ZFAT: variants seen among roughly 807,000 people sequenced by gnomAD.
ZFAT encodes zinc finger and AT-hook domain containing, also known as zinc finger protein ZFAT.
In ZFAT, 64 loss-of-function variants were observed where a neutral mutation model predicts 117.7. The ratio of observed to expected loss-of-function variants is 0.54; its 90% CI spans 0.44 to 0.67. ZFAT has a LOEUF of 0.67. Ranked by LOEUF, ZFAT falls within the 30% of genes least tolerant of loss-of-function variation. ZFAT has a pLI of 0.00. For missense variants in ZFAT, 1,433 were observed against 1,584.5 expected, an observed-to-expected ratio of 0.90 and a Z score of 1.62; for synonymous variants, 679 against 615.0, an observed-to-expected ratio of 1.10 and a Z score of -1.54.
chr8:134,668,361 G>T (rs1832357981), intron 1 of ZFAT, among the ~76,000 whole-genome samples: 1 of 152,218 alleles, frequency 6.6e-6, no homozygotes, highest in African/African-American at 2.4e-5. Flanking sequence ...CCAAGTAGGG[G>T]CAGACTGACA....
chr8:134,744,603 TAA>T, the ZFAT span, among the ~76,000 whole-genome samples: 2 of 152,034 alleles, frequency 1.3e-5, no homozygotes, highest in South Asian at 2.1e-4. Flanking sequence ...GCCTGAAGGC[TAA>T]GAGTTCTTTG....
intron 1 of ZFAT, chr8:134,673,427 T>C (rs1476645966): frequency 5.2e-6 from 1 of 193,436 alleles, no homozygotes; most frequent in East Asian, 1.2e-4. Context: ...ACCATTCCAA[T>C]GTTGCTGCAG....
At chr8:134,613,234 T>C (rs1254692306) in intron 3 of ZFAT, among the ~76,000 whole-genome samples, 1 of 152,158 alleles carries the variant, frequency 6.6e-6, no homozygotes, top group Non-Finnish European at 1.5e-5. Flanking sequence ...GAATTAGAAC[T>C]TGCCAGAAGC....
the ZFAT span, among the ~76,000 whole-genome samples, chr8:134,814,230 C>T: frequency 0.3 from 45,911 of 151,968 alleles, 7,558 homozygotes; most frequent in African/African-American, 0.43. Flanking sequence ...CATGTGCTAG[C>T]GTTCTTAGGA....
At chr8:134,829,011 C>T in the ZFAT span, among the ~76,000 whole-genome samples, 1 of 152,160 alleles carries the variant, frequency 6.6e-6, no homozygotes, top group Non-Finnish European at 1.5e-5. Flanking sequence ...GCTTGTTGGC[C>T]TCTGCTGGGG....
chr8:134,520,888 A>T lies in ZFAT; in HGVS notation c.3229T>A (p.Trp1077Arg), dbSNP rs545875615. The change falls in exon 13 of 16, where the codon TGG (tryptophan) becomes AGG (arginine). Residue 1077 changes from tryptophan to arginine, a missense_variant. Trp to Arg is a moderately radical substitution (Grantham distance 101). This residue lies in a region of ZFAT where 503 missense variants were observed against 543.4 expected (regional missense o/e 0.93). Coordinates refer to ENST00000377838, the MANE Select transcript of ZFAT (RefSeq NM_020863.4). Reference sequence around the variant, plus strand: ...ACCATACTTAAAAAAATTACCTCCCACTTGGGGTCTCCATCAATTTCCACC... The same window carrying T: ...ACCATACTTAAAAAAATTACCTCCCTCTTGGGGTCTCCATCAATTTCCACC... Reference protein sequence around the residue: ...KVVEIDGDPKWETATEAPEEP... With the variant: ...KVVEIDGDPKRETATEAPEEP... 131 of 1,613,398 alleles carry T rather than the reference A, an allele frequency of 8.1e-5. 1 individual carries two copies. In the South Asian group the frequency reaches 1.4e-3, roughly 17 times the overall value.
chr8:134,568,379 C>T (rs1214921001), intron 10 of ZFAT, among the ~76,000 whole-genome samples: 3 of 152,218 alleles, frequency 2.0e-5, no homozygotes, highest in Non-Finnish European at 4.4e-5. Context: ...CCAGTTGAAT[C>T]TCAGTTAAAC....
At chr8:134,593,837 C>T (rs1391708208) in intron 7 of ZFAT, among the ~76,000 whole-genome samples, 1 of 152,222 alleles carries the variant, frequency 6.6e-6, no homozygotes, top group Non-Finnish European at 1.5e-5. Flanking sequence ...TACAGGGCCC[C>T]TGTTATGTGT....
chr8:134,791,062 TAA>T, the ZFAT span, among the ~76,000 whole-genome samples: 4 of 152,228 alleles, frequency 2.6e-5, no homozygotes, highest in South Asian at 2.1e-4. Flanking sequence ...CTAATGACTT[TAA>T]AAGAGGCCCC....
the ZFAT span, among the ~76,000 whole-genome samples, chr8:134,807,283 T>C: frequency 5.3e-5 from 8 of 152,170 alleles, no homozygotes; most frequent in Non-Finnish European, 1.2e-4. Context: ...CCTAAACACA[T>C]CTCTTCCTAT....
chr8:134,492,451 A>G (rs557664915), intron 15 of ZFAT, among the ~76,000 whole-genome samples: 2 of 152,200 alleles, frequency 1.3e-5, no homozygotes, highest in African/African-American at 4.8e-5. Flanking sequence ...GTCCAAATAC[A>G]ACCTAACAAC....
chr8:134,810,988 GAA>G, the ZFAT span, among the ~76,000 whole-genome samples: 3 of 149,988 alleles, frequency 2.0e-5, no homozygotes, highest in African/African-American at 7.4e-5. Context: ...TACATCTTCT[GAA>G]AAAGTTTTAA....
intron 3 of ZFAT, among the ~76,000 whole-genome samples, chr8:134,627,429 T>G (rs573665911): frequency 1.3e-5 from 2 of 152,246 alleles, no homozygotes; most frequent in South Asian, 4.2e-4. Flanking sequence ...AGAGGTAACT[T>G]CCATACATAA....
chr8:134,513,690 A>C (rs553953148), intron 13 of ZFAT, among the ~76,000 whole-genome samples: 1 of 152,316 alleles, frequency 6.6e-6, no homozygotes, highest in African/African-American at 2.4e-5. Flanking sequence ...GCAAAACTGT[A>C]AGGCTGGATG....
chr8:134,588,210 T>C, intron 9 of ZFAT, 36 bp downstream of exon 9: 5 of 1,522,118 alleles, frequency 3.3e-6, no homozygotes, highest in Non-Finnish European at 4.4e-6. Flanking sequence ...AGCACAAAAT[T>C]AGAAAGGTGC....
chr8:134,704,219 G>A (rs1413717705), intron 1 of ZFAT, among the ~76,000 whole-genome samples: 1 of 152,160 alleles, frequency 6.6e-6, no homozygotes, highest in East Asian at 1.9e-4. Context: ...CAGGAACCTG[G>A]CTAGCCCTGA....
At chr8:134,789,437 G>A in the ZFAT span, among the ~76,000 whole-genome samples, 1 of 152,214 alleles carries the variant, frequency 6.6e-6, no homozygotes, top group East Asian at 1.9e-4. Flanking sequence ...GAATGATTTT[G>A]CTTCTGCCTG....
intron 2 of ZFAT, among the ~76,000 whole-genome samples, chr8:134,644,656 G>A (rs1024704112): frequency 2.0e-5 from 3 of 151,194 alleles, no homozygotes; most frequent in Admixed American, 1.3e-4. Context: ...ACACAAACGT[G>A]CACTTACACA....
intron 15 of ZFAT, among the ~76,000 whole-genome samples, chr8:134,483,582 C>T (rs148130958): frequency 3.7e-4 from 57 of 152,288 alleles, no homozygotes; most frequent in African/African-American, 1.3e-3. Context: ...AATAATATGG[C>T]GCTCACAGTG....
Sources: allele counts gnomAD v4.1 joint callset (sites outside exome capture counted in the v4.1 genomes callset), GRCh38; gene constraint gnomAD v4.1.1; regional missense constraint gnomAD v4.1.1; transcripts MANE v1.5; gene names NCBI Gene and HGNC (gene_info 2026-07-23, HGNC 2026-07-21).